HRH2: variants seen among roughly 807,000 people sequenced by gnomAD.
HRH2 encodes the protein histamine H2 receptor.
HRH2 carries 4 observed loss-of-function variants against 20.1 expected under a neutral mutation model. The observed-to-expected ratio is 0.20, with a 90% confidence interval of 0.10 to 0.45. The LOEUF (loss-of-function observed/expected upper bound fraction) is 0.45, where lower values mean the gene tolerates loss of function less well. HRH2 is among the 20% of genes least tolerant of loss of function. HRH2 has a pLI of 0.99. For synonymous variants in HRH2, 197 were observed against 200.7 expected (o/e 0.98, Z 0.16); for missense variants, 250 against 461.6 (o/e 0.54, Z 4.20).
chr5:175,699,562 G>A, intron 2 of HRH2, among the ~76,000 whole-genome samples: 1 of 152,022 alleles, frequency 6.6e-6, no homozygotes, highest in African/African-American at 2.4e-5. Context: ...TCTGCTGTCG[G>A]TTGTTTTTGT....
At chr5:175,705,566 C>T (rs1756918637) in intron 2 of HRH2, among the ~76,000 whole-genome samples, 1 of 152,182 alleles carries the variant, frequency 6.6e-6, no homozygotes, top group Admixed American at 6.5e-5. Flanking sequence ...AAATAGTTAT[C>T]AACTTATGCC....
At position 175,683,499 on chromosome 5, in the gene HRH2, T is replaced by C. The variant is rs1404744904; in HGVS notation, c.266T>C (p.Val89Ala). The C allele has an allele frequency of 6.2e-7, 1 of 1,613,862 alleles. No homozygotes were observed. Among genetic ancestry groups the C allele is most frequent in the Non-Finnish European group, 8.5e-7 (1 of 1,179,924 alleles). Reference sequence around the variant, plus strand: ...TCCTGCAAGTGGAGCTTTGGCAAGGTCTTCTGCAATATCTACACCAGCCTG... The same window carrying C: ...TCCTGCAAGTGGAGCTTTGGCAAGGCCTTCTGCAATATCTACACCAGCCTG... ...QLSCKWSFGK[V>A]FCNIYTSLDV... Residue 89 changes from valine (V) to alanine (A), a missense_variant, in exon 2 of 3, where the codon GTC becomes GCC. Transcript: ENST00000636584.
intron 1 of HRH2, among the ~76,000 whole-genome samples, chr5:175,664,703 C>G (rs1001501697): frequency 1.3e-5 from 2 of 152,122 alleles, no homozygotes; most frequent in Non-Finnish European, 2.9e-5. Flanking sequence ...GGCGAATTCA[C>G]GGCTCACTGC....
intron 2 of HRH2, among the ~76,000 whole-genome samples, chr5:175,694,725 G>A (rs368520177): frequency 6.6e-6 from 1 of 152,162 alleles, no homozygotes. Flanking sequence ...GCCTTGTTCT[G>A]AGCCTCTGGA....
intron 1 of HRH2, among the ~76,000 whole-genome samples, chr5:175,676,948 G>A (rs760013019): frequency 1.8e-4 from 27 of 152,290 alleles, no homozygotes; most frequent in Non-Finnish European, 3.1e-4. Flanking sequence ...TCCATTTTGT[G>A]TGTGTCTGTA....
Position 175,683,140 on chromosome 5 carries a change from CTTGG to C in HRH2, c.-93_-90del. The C allele has an allele frequency of 8.0e-7, 1 of 1,242,452 alleles. No homozygotes were observed. The highest frequency in any genetic ancestry group is 1.1e-6 in the Non-Finnish European group (1 of 907,708). The allele number at this position is 1,242,452 out of a possible 1,614,324, so 77.0% of individuals were successfully genotyped here. A position where few individuals can be genotyped will look rare whatever the true frequency, so the allele number is the denominator to read the frequency against. On this transcript the variant is annotated 5_prime_UTR_variant, in exon 2 of 3. Transcript: ENST00000636584. ...GGACACATTTTGGATCTGTTGGGAGCTTGGAGTCCAGTGGTTGGCATAGTTGTCA... is the reference window on the plus strand; with the variant it reads ...GGACACATTTTGGATCTGTTGGGAGCAGTCCAGTGGTTGGCATAGTTGTCA...
intron 2 of HRH2, among the ~76,000 whole-genome samples, chr5:175,707,422 C>T (rs538675306): frequency 7.2e-5 from 11 of 152,250 alleles, no homozygotes; most frequent in African/African-American, 2.4e-4. Flanking sequence ...AGAACAAGAC[C>T]CTGTCTCAAA....
chr5:175,683,877 G>A lies in HRH2; in HGVS notation c.644G>A (p.Arg215Lys). The A allele has an allele frequency of 6.2e-7, 1 of 1,614,146 alleles. No homozygotes were observed. The highest frequency in any genetic ancestry group is 8.5e-7 in the Non-Finnish European group (1 of 1,180,032). ...AAGGTCGCCCGGGATCAGGCCAAGAGGATCAATCACATTAGCTCCTGGAAG... is the reference window on the plus strand; with the variant it reads ...AAGGTCGCCCGGGATCAGGCCAAGAAGATCAATCACATTAGCTCCTGGAAG... ...IFKVARDQAK[R>K]INHISSWKAA... Residue 215 changes from arginine to lysine, a missense_variant, in exon 2 of 3, where the codon AGG (arginine) becomes AAG (lysine). Coordinates refer to ENST00000636584, the MANE Select transcript of HRH2 (RefSeq NM_001367711.1).
At chr5:175,706,618 T>C (rs1311712837) in intron 2 of HRH2, among the ~76,000 whole-genome samples, 2 of 152,184 alleles carry the variant, frequency 1.3e-5, no homozygotes, top group Admixed American at 6.5e-5. Context: ...ATATGTACAC[T>C]GCTAACATGG....
Position 175,701,934 on chromosome 5 carries a change from G to A in HRH2, c.1077-5845G>A, listed in dbSNP as rs188671880. On this transcript the variant is annotated intron_variant, in intron 2 of 2. Coordinates refer to ENST00000636584, the MANE Select transcript of HRH2 (RefSeq NM_001367711.1). ...CAGGGCAAAGACGGGCCGTGGGACC[G>A]TGAAGGGGGTTGAAGAAGATTAAAC... 9.8e-5 allele frequency among the ~76,000 whole-genome samples: 15 copies of A among 152,324 alleles called. No homozygotes were observed. The East Asian group carries it at 2.5e-3, about 25-fold the overall frequency.
At chr5:175,682,356 A>G (rs1305498724) in intron 1 of HRH2, among the ~76,000 whole-genome samples, 1 of 152,174 alleles carries the variant, frequency 6.6e-6, no homozygotes, top group African/African-American at 2.4e-5. Flanking sequence ...CTTACTGTCT[A>G]TCTGTGGGGC....
chr5:175,692,121 C>A (rs576132496), intron 2 of HRH2, among the ~76,000 whole-genome samples: 1 of 152,290 alleles, frequency 6.6e-6, no homozygotes, highest in South Asian at 2.1e-4. Context: ...GCTTTTCCTG[C>A]AAAGGGCCAG....
intron 2 of HRH2, among the ~76,000 whole-genome samples, chr5:175,706,555 C>T (rs1341923568): frequency 1.3e-5 from 2 of 152,216 alleles, no homozygotes; most frequent in Non-Finnish European, 2.9e-5. Context: ...CTCAGAGCCA[C>T]AGGCTGCATC....
At chr5:175,705,946 A>C (rs150654668) in intron 2 of HRH2, among the ~76,000 whole-genome samples, 2,236 of 152,310 alleles carry the variant, frequency 0.015, 53 homozygotes, top group African/African-American at 0.05. Flanking sequence ...GGCCTCCCGA[A>C]GTGCTAGGAT....
At chr5:175,672,707 C>T (rs1185010953) in intron 1 of HRH2, among the ~76,000 whole-genome samples, 1 of 152,192 alleles carries the variant, frequency 6.6e-6, no homozygotes, top group Non-Finnish European at 1.5e-5. Context: ...GACCCTGGAT[C>T]CTGACCCTCG....
At chr5:175,679,474 C>T (rs561816961) in intron 1 of HRH2, among the ~76,000 whole-genome samples, 1 of 152,292 alleles carries the variant, frequency 6.6e-6, no homozygotes, top group African/African-American at 2.4e-5. Context: ...AAAGACCTTC[C>T]AGGCAGTGAA....
chr5:175,685,442 G>A lies in HRH2; in HGVS notation c.1076+1133G>A, dbSNP rs369067545. 6.2e-5 allele frequency: 96 copies of A among 1,551,652 alleles called. No individual in the cohort carries two copies. In the African/African-American group the frequency reaches 1.2e-3, roughly 20 times the overall value. The stretch of plus-strand genomic sequence containing the variant: ...TTTGCCTTCCAGAATGCTGGTCTGT[G>A]GAACTGACCCATTCATTCATTCATT... On this transcript the variant is annotated intron_variant, in intron 2 of 2. Transcript: ENST00000636584.
chr5:175,709,011 C>T lies in HRH2; in HGVS notation c.*1040C>T, dbSNP rs2113571422. ...GACCACTCTAAGCAGCTTTTGATTC[C>T]CCTGTCCAAGAGGGTAGGCCCCCTG... On this transcript the variant is annotated 3_prime_UTR_variant, in exon 3 of 3. Transcript: ENST00000636584. The T allele has an allele frequency of 6.6e-6, 1 of 152,206 alleles. No homozygotes were observed. Among genetic ancestry groups the T allele is most frequent in the Admixed American group, 6.5e-5 (1 of 15,286 alleles). 9.4% of individuals were successfully genotyped at this position (152,206 alleles called of 1,614,324 possible). A position where few individuals can be genotyped will look rare whatever the true frequency, so the allele number is the denominator to read the frequency against.
At chr5:175,685,415 G>A in intron 2 of HRH2, 1 of 1,550,932 alleles carries the variant, frequency 6.4e-7, no homozygotes, top group Non-Finnish European at 8.7e-7. Flanking sequence ...ACAGACCATG[G>A]CTTTGCCTTC....
Sources: gnomAD v4.1 joint callset for allele counts (sites outside exome capture counted in the v4.1 genomes callset) on GRCh38, gnomAD v4.1.1 for gene constraint, MANE v1.5 for transcripts, NCBI Gene and HGNC (gene_info 2026-07-23, HGNC 2026-07-21) for gene names.